The following PDPK1 variants were observed in gnomAD, a reference collection of about 807,000 sequenced individuals.
PDPK1 encodes the protein 3-phosphoinositide-dependent protein kinase 1.
A neutral mutation model predicts 39.8 loss-of-function variants in PDPK1; 7 were observed. That is an observed-to-expected ratio of 0.18 (90% CI 0.10 to 0.33). PDPK1 has a LOEUF of 0.33. PDPK1 is among the 10% of genes least tolerant of loss of function. The pLI is 1.00. For synonymous variants in PDPK1, 118 were observed against 159.1 expected, an observed-to-expected ratio of 0.74 and a Z score of 1.95; for missense variants, 182 against 384.7, an observed-to-expected ratio of 0.47 and a Z score of 4.41.
At chr16:2,546,660 C>T (rs1438496875) in intron 1 of PDPK1, among the ~76,000 whole-genome samples, 2 of 152,168 alleles carry the variant, frequency 1.3e-5, no homozygotes, top group African/African-American at 4.8e-5. Flanking sequence ...CCTTAAGCTG[C>T]TTTTCCTTCC....
Position 2,597,841 on chromosome 16 carries a change from C to T in PDPK1, c.*74C>T, listed in dbSNP as rs576603878. The T allele has an allele frequency of 5.2e-4, 474 of 916,752 alleles. 3 individuals are homozygous for T. The African/African-American group carries it at 6.5e-3, about 13-fold the overall frequency. 56.8% of individuals were successfully genotyped at this position (916,752 alleles called of 1,614,324 possible). A position where few individuals can be genotyped will look rare whatever the true frequency, so the allele number is the denominator to read the frequency against. Reference sequence around the variant, plus strand: ...CGCGGCTTGGCCGCCATCCGGGACGCTTCCAGACCACCTGCCAGCCATCAC... The same window carrying T: ...CGCGGCTTGGCCGCCATCCGGGACGTTTCCAGACCACCTGCCAGCCATCAC... On this transcript the variant is annotated 3_prime_UTR_variant, in exon 14 of 14. Coordinates refer to ENST00000342085, the MANE Select transcript of PDPK1 (RefSeq NM_002613.5). The surrounding 1 kb of genome is among the most constrained non-coding windows in gnomAD (Gnocchi z 6.3).
In PDPK1 at chr16:2,597,611, G is replaced by A; in HGVS notation, c.1555-40G>A. On this transcript the variant is annotated intron_variant, in intron 13 of 13. Transcript: ENST00000342085. This position sits in a 1 kb window ranked among gnomAD's most constrained non-coding sequence, Gnocchi z 6.3. ...CCAGGTTGGGGTGGGGGTTTTGGTG[G>A]GACTCCCTGGAGAACACTAAACGGC... 1 of 1,432,804 alleles carries A rather than the reference G, an allele frequency of 7.0e-7. No individual in the cohort carries two copies. Among genetic ancestry groups the A allele is most frequent in the Non-Finnish European group, 9.9e-7 (1 of 1,014,916 alleles). 88.8% of individuals were successfully genotyped at this position (1,432,804 alleles called of 1,614,324 possible).
chr16:2,586,668 C>T lies in PDPK1; in HGVS notation c.1126-8C>T, dbSNP rs1285228127. Reference sequence around the variant, plus strand: ...GGTGCGGTTCTCACTTTCCCTTCTTCTCTGCAGTATGACAATCTCCTGAGC... The same window carrying T: ...GGTGCGGTTCTCACTTTCCCTTCTTTTCTGCAGTATGACAATCTCCTGAGC... On this transcript the variant is annotated splice_region_variant and splice_polypyrimidine_tract_variant and intron_variant, in intron 10 of 13. Transcript: ENST00000342085. The T allele has an allele frequency of 1.2e-6, 2 of 1,613,298 alleles. No individual in the cohort carries two copies. The highest frequency in any genetic ancestry group is 2.2e-5 in the South Asian group (2 of 91,042).
intron 11 of PDPK1, chr16:2,592,820 C>G (rs1014190123): frequency 8.5e-5 from 39 of 456,298 alleles, no homozygotes; most frequent in Non-Finnish European, 8.8e-6. Context: ...GTCCATGCAC[C>G]CTGGGCCACC....
intron 12 of PDPK1, among the ~76,000 whole-genome samples, chr16:2,596,464 G>T (rs544572679): frequency 2.0e-5 from 3 of 152,322 alleles, no homozygotes; most frequent in African/African-American, 7.2e-5. Flanking sequence ...AAAGTGCTGG[G>T]ATTACAGGCG....
chr16:2,600,163 C>A lies in PDPK1; in HGVS notation c.*2396C>A, dbSNP rs1411639699. On this transcript the variant is annotated 3_prime_UTR_variant, in exon 14 of 14. Transcript: ENST00000342085. ...ATCCTTAGAGCCATCACCTGGCACG[C>A]AGGCGCCTTACATTCTACGGTAGAA... 4.3e-6 allele frequency: 1 copy of A among 233,186 alleles called. No individual in the cohort carries two copies. The highest frequency in any genetic ancestry group is 8.5e-6 in the Non-Finnish European group (1 of 118,042). 14.4% of individuals were successfully genotyped at this position (233,186 alleles called of 1,614,324 possible).
At chr16:2,594,028 G>C (rs2067048240) in intron 11 of PDPK1, 1 of 152,334 alleles carries the variant, frequency 6.6e-6, no homozygotes. Context: ...TGTGTGTGAG[G>C]CCAGGCCCTG....
chr16:2,558,457 A>G (rs546595023), intron 2 of PDPK1, among the ~76,000 whole-genome samples: 1 of 150,812 alleles, frequency 6.6e-6, no homozygotes, highest in African/African-American at 2.5e-5. Flanking sequence ...CTGGAGACAC[A>G]GCCTCCAGAG....
chr16:2,540,513 G>A lies in PDPK1; in HGVS notation c.24+2377G>A, dbSNP rs1264422613. Among the ~76,000 whole-genome samples, 6 of 152,158 alleles carry A rather than the reference G, an allele frequency of 3.9e-5. No individual in the cohort carries two copies. In the East Asian group the frequency reaches 9.6e-4, roughly 24 times the overall value. Reference sequence around the variant, plus strand: ...TCACGTTCGGAGCCCCTGAGGGAGGGTCTGCCGGGCAGCTCAGCCCAGCAC... The same window carrying A: ...TCACGTTCGGAGCCCCTGAGGGAGGATCTGCCGGGCAGCTCAGCCCAGCAC... On this transcript the variant is annotated intron_variant, in intron 1 of 13. Transcript: ENST00000342085.
At chr16:2,545,685 G>A (rs1418549497) in intron 1 of PDPK1, among the ~76,000 whole-genome samples, 1 of 152,184 alleles carries the variant, frequency 6.6e-6, no homozygotes, top group African/African-American at 2.4e-5. Context: ...AGTAGAGACG[G>A]CGTTTTACCA....
At chr16:2,540,880 A>AG (rs1567141966) in intron 1 of PDPK1, among the ~76,000 whole-genome samples, 1 of 152,218 alleles carries the variant, frequency 6.6e-6, no homozygotes, top group Non-Finnish European at 1.5e-5. Context: ...TGCCCTCCCT[A>AG]GGGTGGTTCT....
chr16:2,588,128 C>T lies in PDPK1; in HGVS notation c.1343+1235C>T, dbSNP rs545923125. Among the ~76,000 whole-genome samples, 8 of 152,282 alleles carry T rather than the reference C, an allele frequency of 5.3e-5. No homozygotes were observed. The East Asian group carries it at 1.2e-3, about 22-fold the overall frequency. ...GAAGGAGCTGAGCTCTGGGCCGCCC[C>T]GGCAGGTGGGGAAGACCACGGCTCT... is the stretch of plus-strand genomic sequence containing the variant. On this transcript the variant is annotated intron_variant, in intron 11 of 13. Transcript: ENST00000342085.
Position 2,601,627 on chromosome 16 carries a change from G to C in PDPK1, c.*3860G>C, listed in dbSNP as rs2067217567. ...ATTAGGACATTTGGAATCAGTAGCA[G>C]AGCAAAGCCTCTTTGAAAAAAACCA... On this transcript the variant is annotated 3_prime_UTR_variant, in exon 14 of 14. Coordinates refer to ENST00000342085, the MANE Select transcript of PDPK1 (RefSeq NM_002613.5). 4.3e-6 allele frequency: 1 copy of C among 233,722 alleles called. No homozygotes were observed. The highest frequency in any genetic ancestry group is 1.8e-4 in the South Asian group (1 of 5,516). The allele number at this position is 233,722 out of a possible 1,614,324, so 14.5% of individuals were successfully genotyped here.
intron 1 of PDPK1, among the ~76,000 whole-genome samples, chr16:2,545,132 GTTCAAGTGA>G: frequency 6.6e-6 from 1 of 151,354 alleles, no homozygotes; most frequent in South Asian, 2.1e-4. Flanking sequence ...CGCCTTCTGG[GTTCAAGTGA>G]TTCTCCTGCC....
intron 1 of PDPK1, among the ~76,000 whole-genome samples, chr16:2,542,539 A>C (rs2066263603): frequency 1.3e-5 from 2 of 152,144 alleles, no homozygotes; most frequent in South Asian, 4.1e-4. Flanking sequence ...GTGTATGAAA[A>C]AGATGGACAA....
Position 2,577,654 on chromosome 16 carries a change from C to T in PDPK1, c.785+154C>T, listed in dbSNP as rs1266903900. 7.4e-5 allele frequency among the ~76,000 whole-genome samples: 11 copies of T among 149,052 alleles called. 1 individual carries two copies. Among genetic ancestry groups the T allele is most frequent in the East Asian group, 6.1e-4 (3 of 4,950 alleles). Reference sequence around the variant, plus strand: ...GCGTATTTTCCGTGGCGTACACACACGTGATGCGTTAGTGTTGTGTTCTAA... The same window carrying T: ...GCGTATTTTCCGTGGCGTACACACATGTGATGCGTTAGTGTTGTGTTCTAA... On this transcript the variant is annotated intron_variant, in intron 7 of 13. Transcript: ENST00000342085.
At position 2,586,714 on chromosome 16, in the gene PDPK1, G is replaced by A; in HGVS notation, c.1164G>A (p.Val388=). 6.2e-7 allele frequency: 1 copy of A among 1,614,254 alleles called. No individual in the cohort carries two copies. The highest frequency in any genetic ancestry group is 8.5e-7 in the Non-Finnish European group (1 of 1,180,046). ...TGAGCCAGTTTGGCTGCATGCAGGT[G>A]TCTTCGTCCTCCTCCTCACACTCCC... is the stretch of plus-strand genomic sequence containing the variant. ...NLLSQFGCMQ[V]SSSSSSHSLS... The change falls in exon 11 of 14, where the codon GTG becomes GTA. Residue 388 remains valine (V), a synonymous_variant. Coordinates refer to ENST00000342085, the MANE Select transcript of PDPK1 (RefSeq NM_002613.5).
At position 2,543,550 on chromosome 16, in the gene PDPK1, G is replaced by A. The variant is rs1246158739; in HGVS notation, c.24+5414G>A. On this transcript the variant is annotated intron_variant, in intron 1 of 13. Coordinates refer to ENST00000342085, the MANE Select transcript of PDPK1 (RefSeq NM_002613.5). ...GGCCCAGGCTCGGATGCCCGGCCAC[G>A]GCCTCTCTTTCCAGCCTGTGCGGCC... Among the ~76,000 whole-genome samples the A allele has an allele frequency of 2.8e-5, 4 of 140,416 alleles. No homozygotes were observed. The South Asian group carries it at 1.0e-3, about 35-fold the overall frequency. The allele number at this position is 140,416 out of a possible 152,430, so 92.1% of individuals were successfully genotyped here.
intron 1 of PDPK1, among the ~76,000 whole-genome samples, chr16:2,541,266 G>A (rs1202808152): frequency 6.6e-6 from 1 of 152,188 alleles, no homozygotes; most frequent in African/African-American, 2.4e-5. Flanking sequence ...GAGAAACAGG[G>A]AGTGTTCCTT....
Sources: gnomAD v4.1 joint callset for allele counts (sites outside exome capture counted in the v4.1 genomes callset) on GRCh38, gnomAD v4.1.1 for gene constraint, Gnocchi (gnomAD v3.1) non-coding constraint, MANE v1.5 for transcripts, NCBI Gene and HGNC (gene_info 2026-07-23, HGNC 2026-07-21) for gene names.